Variants in KIF23 observed in about 807,000 individuals in gnomAD.
The protein encoded by KIF23 is kinesin family member 23, also known as kinesin-like protein KIF23.
In KIF23, 30 loss-of-function variants were observed where a neutral mutation model predicts 137.5. The ratio of observed to expected loss-of-function variants is 0.22; its 90% CI spans 0.16 to 0.30. The LOEUF (loss-of-function observed/expected upper bound fraction) is 0.30. Among genes scored for constraint, KIF23 ranks in the 10% least tolerant of loss-of-function variants. KIF23 has a pLI of 1.00. For missense variants in KIF23, 920 were observed against 1,194.3 expected (o/e 0.77, Z 3.38); for synonymous variants, 367 against 391.1 (o/e 0.94, Z 0.73).
In KIF23 at chr15:69,444,519, C is replaced by T; in HGVS notation, c.2422-271C>T. On this transcript the variant is annotated intron_variant, in intron 19 of 23. Transcript: ENST00000679126. The surrounding 1 kb of genome is among the most constrained non-coding windows in gnomAD (Gnocchi z 4.2). ...ATGAGTTGTTTGTCCTGAACCACCC[C>T]CAAGCAGGAAAGACTTGCAGCATTA... is the stretch of plus-strand genomic sequence containing the variant. 2.6e-6 allele frequency: 1 copy of T among 390,228 alleles called. No individual in the cohort carries two copies. Among genetic ancestry groups the T allele is most frequent in the Non-Finnish European group, 4.6e-6 (1 of 215,870 alleles). 24.2% of individuals were successfully genotyped at this position (390,228 alleles called of 1,614,324 possible).
chr15:69,444,739 G>A lies in KIF23; in HGVS notation c.2422-51G>A. 6.3e-7 allele frequency: 1 copy of A among 1,581,540 alleles called. No individual in the cohort carries two copies. The highest frequency in any genetic ancestry group is 8.6e-7 in the Non-Finnish European group (1 of 1,160,046). The stretch of plus-strand genomic sequence containing the variant: ...ATCAACTAATGTAGCCAAACCTGCT[G>A]CACTTCTAATAATACCCTTAAATTA... On this transcript the variant is annotated intron_variant, in intron 19 of 23. Coordinates refer to ENST00000679126, the MANE Select transcript of KIF23 (RefSeq NM_001367805.3). This position sits in a 1 kb window ranked among gnomAD's most constrained non-coding sequence, Gnocchi z 4.2.
chr15:69,428,260 A>G (rs2057256093), intron 10 of KIF23, among the ~76,000 whole-genome samples: 1 of 151,896 alleles, frequency 6.6e-6, no homozygotes, highest in Non-Finnish European at 1.5e-5. Flanking sequence ...TCTAAAAAAA[A>G]AAAATGGTTA....
intron 13 of KIF23, among the ~76,000 whole-genome samples, 158 bp from the exon 14 acceptor site, chr15:69,435,980 G>A (rs956933368): frequency 1.3e-5 from 2 of 152,154 alleles, no homozygotes; most frequent in African/African-American, 4.8e-5. Flanking sequence ...CCACCTGGGA[G>A]GTCGAAGCTG....
chr15:69,435,485 A>T lies in KIF23; in HGVS notation c.1117A>T (p.Asn373Tyr). ...AEGNRLREAGNINQSLMTLRT... is the reference protein window; with the variant it reads ...AEGNRLREAGYINQSLMTLRT... ...GTCTATGTATTTTTTTCTGTCAGGT[A>T]ATATTAATCAGTCACTAATGACGCT... The change falls in exon 12 of 24, where the codon AAT becomes TAT. Residue 373 changes from asparagine (N) to tyrosine (Y), a missense_variant and splice_region_variant. Transcript: ENST00000679126. 6.2e-7 allele frequency: 1 copy of T among 1,611,858 alleles called. No homozygotes were observed. The highest frequency in any genetic ancestry group is 8.5e-7 in the Non-Finnish European group (1 of 1,178,258).
intron 11 of KIF23, among the ~76,000 whole-genome samples, chr15:69,430,246 T>C (rs2057323261): frequency 6.6e-6 from 1 of 152,216 alleles, no homozygotes; most frequent in South Asian, 2.1e-4. Flanking sequence ...TTTTTAAAAA[T>C]TAATATATCA....
chr15:69,447,854 T>C lies in KIF23; in HGVS notation c.*47T>C, dbSNP rs1234233462. ...AGAACATTTTCATTTGTGTGGATGA[T>C]TTCTCGAAAGCCATGCCAGAAGCAG... On this transcript the variant is annotated 3_prime_UTR_variant, in exon 24 of 24. Transcript: ENST00000679126. The C allele has an allele frequency of 1.3e-6, 2 of 1,592,074 alleles. No individual in the cohort carries two copies. Among genetic ancestry groups the C allele is most frequent in the Non-Finnish European group, 8.6e-7 (1 of 1,163,188 alleles).
chr15:69,428,403 C>T (rs1253200658), intron 10 of KIF23, among the ~76,000 whole-genome samples: 1 of 151,828 alleles, frequency 6.6e-6, no homozygotes, highest in Non-Finnish European at 1.5e-5. Context: ...CCCCTGTAAT[C>T]CCAAGCACTT....
In KIF23 at chr15:69,439,940, G is replaced by A; in HGVS notation, c.1792G>A (p.Glu598Lys). The A allele has an allele frequency of 6.2e-7, 1 of 1,613,840 alleles. No homozygotes were observed. Among genetic ancestry groups the A allele is most frequent in the Non-Finnish European group, 8.5e-7 (1 of 1,179,882 alleles). Reference protein sequence around the residue: ...ILEKTTTIYEEDKRNLQQELE... With the variant: ...ILEKTTTIYEKDKRNLQQELE... ...AGAGAAAACAACTACTATCTATGAG[G>A]AAGATAAACGCAATTTGCAACAGGA... Residue 598 changes from glutamate (E) to lysine (K), a missense_variant, in exon 17 of 24, where the codon GAA becomes AAA. By Grantham distance (56) the Glu-to-Lys change is moderately conservative. Around this residue, in one of 4 missense-constraint regions of KIF23, gnomAD observed 714 missense variants for 866.2 expected, o/e 0.82. Transcript: ENST00000679126.
Position 69,433,163 on chromosome 15 carries a change from G to A in KIF23, c.1115-2320G>A, listed in dbSNP as rs144606502. Among the ~76,000 whole-genome samples, 468 of 152,336 alleles carry A rather than the reference G, an allele frequency of 3.1e-3. 2 individuals carry two copies. The highest frequency in any genetic ancestry group is 0.01 in the South Asian group (49 of 4,832). On this transcript the variant is annotated intron_variant, in intron 11 of 23. Coordinates refer to ENST00000679126, the MANE Select transcript of KIF23 (RefSeq NM_001367805.3). Reference sequence around the variant, plus strand: ...ACAGTGGAAGAAGAAAGAACATTAGGAGTTTGGGTCAAGGAACGTAAATCA... The same window carrying A: ...ACAGTGGAAGAAGAAAGAACATTAGAAGTTTGGGTCAAGGAACGTAAATCA...
At position 69,436,549 on chromosome 15, in the gene KIF23, T is replaced by C. The variant is rs1386347042; in HGVS notation, c.1439-15T>C. 1 of 1,582,430 alleles carries C rather than the reference T, an allele frequency of 6.3e-7. No individual in the cohort carries two copies. The highest frequency in any genetic ancestry group is 2.3e-5 in the East Asian group (1 of 44,384). On this transcript the variant is annotated splice_polypyrimidine_tract_variant and intron_variant, in intron 14 of 23. Transcript: ENST00000679126. ...TCCTATGTAACTTTTTGTAATTTTC[T>C]ATAATTCAATACAGAACCATTGGTT...
chr15:69,446,599 G>A (rs1381946610), intron 22 of KIF23: 1 of 615,188 alleles, frequency 1.6e-6, no homozygotes. Context: ...TAGGGGTCAG[G>A]AGGCTAAGCT....
intron 11 of KIF23, among the ~76,000 whole-genome samples, 157 bp from the exon 12 acceptor site, chr15:69,435,326 C>T (rs997806227): frequency 6.6e-6 from 1 of 151,998 alleles, no homozygotes; most frequent in African/African-American, 2.4e-5. Flanking sequence ...GAGCCTGGAC[C>T]ATGCATAGAC....
rs774264203 is a variant in KIF23 at position 69,435,666 on chromosome 15, A to G, written c.1209A>G (p.Arg403=). The change falls in exon 13 of 24, where the codon CGA becomes CGG. Residue 403 remains arginine, a synonymous_variant. Coordinates refer to ENST00000679126, the MANE Select transcript of KIF23 (RefSeq NM_001367805.3). ...TGTCTTTGTAGATGGTTCCATATCG[A>G]GATTCAAAGTTAACCCATCTGTTCA... ...MYGTNKMVPY[R]DSKLTHLFKN... 6.2e-7 allele frequency: 1 copy of G among 1,613,732 alleles called. No homozygotes were observed. Among genetic ancestry groups the G allele is most frequent in the African/African-American group, 1.3e-5 (1 of 74,908 alleles).
At chr15:69,417,085 G>A (rs905850533) in intron 2 of KIF23, among the ~76,000 whole-genome samples, 2 of 152,118 alleles carry the variant, frequency 1.3e-5, no homozygotes, top group Admixed American at 6.6e-5. Flanking sequence ...GACTTTTAGA[G>A]ATATTAGTAG....
intron 10 of KIF23, chr15:69,427,618 G>A (rs1040533429): frequency 5.4e-6 from 2 of 370,334 alleles, no homozygotes; most frequent in Non-Finnish European, 1.1e-5. Context: ...AGGCCAGTAG[G>A]GTCCCCCATA....
intron 7 of KIF23, among the ~76,000 whole-genome samples, chr15:69,424,672 A>C (rs1266398861): frequency 6.6e-6 from 1 of 151,862 alleles, no homozygotes; most frequent in East Asian, 1.9e-4. Flanking sequence ...TAATTTTCTA[A>C]TTTCTTGTAG....
In KIF23 at chr15:69,421,705, A is replaced by T. The variant is rs747693155; in HGVS notation, c.269A>T (p.Asp90Val). Residue 90 changes from aspartate (D) to valine (V), a missense_variant, in exon 4 of 24, where the codon GAT (aspartate) becomes GTT (valine). Asp to Val is a radical substitution (Grantham distance 152, BLOSUM62 -3). This residue lies in a region of KIF23 where 124 missense variants were observed against 122.0 expected (regional missense o/e 1.02). Transcript: ENST00000679126. The stretch of plus-strand genomic sequence containing the variant: ...CACACCACCCAGAAGGAACTCTTTG[A>T]TGTTGTGGCTAATCCCTTGGTCAAT... ...GTHTTQKELF[D>V]VVANPLVNDL... The T allele has an allele frequency of 1.9e-6, 3 of 1,613,758 alleles. No individual in the cohort carries two copies. The highest frequency in any genetic ancestry group is 2.5e-6 in the Non-Finnish European group (3 of 1,179,834).
intron 10 of KIF23, chr15:69,427,596 C>T (rs902672383): frequency 7.1e-5 from 27 of 382,860 alleles, no homozygotes; most frequent in African/African-American, 4.8e-4. Context: ...AGTTGTTCAT[C>T]TCTTGGTCGA....
chr15:69,417,450 C>G lies in KIF23; in HGVS notation c.149C>G (p.Thr50Arg). 6.2e-7 allele frequency: 1 copy of G among 1,613,844 alleles called. No individual in the cohort carries two copies. Among genetic ancestry groups the G allele is most frequent in the Non-Finnish European group, 8.5e-7 (1 of 1,179,826 alleles). The change falls in exon 3 of 24, where the codon ACA (threonine) becomes AGA (arginine). Residue 50 changes from threonine (T) to arginine (R), a missense_variant. Physicochemically the swap from Thr to Arg is moderately conservative, Grantham distance 71. Coordinates refer to ENST00000679126, the MANE Select transcript of KIF23 (RefSeq NM_001367805.3). ...QECCIEVINNTTVQLHTPEGY... is the reference protein window; with the variant it reads ...QECCIEVINNRTVQLHTPEGY... The stretch of plus-strand genomic sequence containing the variant: ...TGTTGCATAGAAGTGATCAATAATA[C>G]AACTGTTCAGCTTCATACTCCTGAG...
Sources: gnomAD v4.1 joint callset for allele counts (sites outside exome capture counted in the v4.1 genomes callset) on GRCh38, gnomAD v4.1.1 for gene constraint, gnomAD v4.1.1 regional missense constraint, Gnocchi (gnomAD v3.1) non-coding constraint, MANE v1.5 for transcripts, NCBI Gene and HGNC (gene_info 2026-07-23, HGNC 2026-07-21) for gene names.